CACNB2: variants seen among roughly 807,000 people sequenced by gnomAD.
CACNB2 encodes the protein calcium voltage-gated channel auxiliary subunit beta 2, also known as voltage-dependent L-type calcium channel subunit beta-2.
In CACNB2, 42 loss-of-function variants were observed where a neutral mutation model predicts 73.3. The ratio of observed to expected loss-of-function variants is 0.57; its 90% CI spans 0.45 to 0.74. The LOEUF (loss-of-function observed/expected upper bound fraction) is 0.74, where lower values mean the gene tolerates loss of function less well. CACNB2 is among the 30% of genes least tolerant of loss of function. The pLI is 0.00. For missense variants in CACNB2, 940 were observed against 853.0 expected (o/e 1.10, Z -1.27); for synonymous variants, 348 against 310.3 (o/e 1.12, Z -1.28).
intron 2 of CACNB2, among the ~76,000 whole-genome samples, chr10:18,339,977 G>A (rs2041166713): frequency 6.6e-6 from 1 of 152,120 alleles, no homozygotes; most frequent in Non-Finnish European, 1.5e-5. Flanking sequence ...CATGATGGAT[G>A]CAAAATGGTA....
intron 2 of CACNB2, among the ~76,000 whole-genome samples, chr10:18,171,833 A>T (rs1010413558): frequency 6.6e-6 from 1 of 152,142 alleles, no homozygotes; most frequent in African/African-American, 2.4e-5. Flanking sequence ...GCAGATTATT[A>T]GTGGCAATAA....
At chr10:18,514,542 T>C (rs1191660359) in intron 7 of CACNB2, 173 bp downstream of exon 7, 6 of 1,613,652 alleles carry the variant, frequency 3.7e-6, no homozygotes, top group South Asian at 3.3e-5. Flanking sequence ...TAAGTTTACA[T>C]TGACATAAGC....
intron 2 of CACNB2, chr10:18,224,407 T>C (rs1490081240): frequency 3.3e-5 from 5 of 151,956 alleles, no homozygotes; most frequent in Non-Finnish European, 5.9e-5. Context: ...TTTTGGGAAG[T>C]GAGTTTCATA....
rs2033802124 is a variant in CACNB2 at position 18,180,188 on chromosome 10, T to C, written c.213+29213T>C. ...CTCTCTGGAGGGAGAGGAATGATCT[T>C]ATATTTTGCCAACATAGAACTGTAG... On this transcript the variant is annotated intron_variant, in intron 2 of 13. Coordinates refer to ENST00000324631, the MANE Select transcript of CACNB2 (RefSeq NM_201596.3). 5.3e-5 allele frequency among the ~76,000 whole-genome samples: 8 copies of C among 152,146 alleles called. No individual in the cohort carries two copies. The South Asian group carries it at 1.7e-3, about 32-fold the overall frequency.
chr10:18,519,592 T>G (rs1314659456), intron 9 of CACNB2: 2 of 406,944 alleles, frequency 4.9e-6, no homozygotes, highest in African/African-American at 4.1e-5. Context: ...TAATCATCCT[T>G]TGCTCTCTCC....
At chr10:18,501,188 A>T (rs1191691837) in intron 5 of CACNB2, among the ~76,000 whole-genome samples, 1 of 152,242 alleles carries the variant, frequency 6.6e-6, no homozygotes, top group Non-Finnish European at 1.5e-5. Context: ...AGCTAAGGTC[A>T]TAGAGTATTA....
intron 1 of CACNB2, among the ~76,000 whole-genome samples, chr10:18,147,362 C>A: frequency 6.6e-6 from 1 of 151,864 alleles, no homozygotes; most frequent in Non-Finnish European, 1.5e-5. Context: ...TTTGGAACAA[C>A]TAAAGGAATA....
intron 3 of CACNB2, among the ~76,000 whole-genome samples, chr10:18,483,992 G>A (rs2048927357): frequency 6.6e-6 from 1 of 152,150 alleles, no homozygotes; most frequent in African/African-American, 2.4e-5. Context: ...ATATTTGCTG[G>A]GCCACATTTC....
At chr10:18,480,568 TAA>T (rs747476273) in intron 3 of CACNB2, among the ~76,000 whole-genome samples, 21 of 152,360 alleles carry the variant, frequency 1.4e-4, no homozygotes, top group Middle Eastern at 6.8e-3. Context: ...ATCCTGAGCC[TAA>T]GAGGCACTTA....
chr10:18,277,082 A>T (rs1022091887), intron 2 of CACNB2, among the ~76,000 whole-genome samples: 5 of 152,158 alleles, frequency 3.3e-5, no homozygotes, highest in African/African-American at 1.2e-4. Flanking sequence ...GTGCCACTGC[A>T]CTCCAGCCTG....
At chr10:18,481,207 TA>T (rs2048719457) in intron 3 of CACNB2, among the ~76,000 whole-genome samples, 2 of 11,312 alleles carry the variant, frequency 1.8e-4, no homozygotes, top group Non-Finnish European at 3.5e-4. Context: ...TATATATATA[TA>T]TATATATATA....
chr10:18,437,774 T>C (rs2046210231), intron 3 of CACNB2, among the ~76,000 whole-genome samples: 1 of 152,134 alleles, frequency 6.6e-6, no homozygotes, highest in African/African-American at 2.4e-5. Flanking sequence ...CACCTTATAT[T>C]TGGAATCTCC....
At chr10:18,233,835 G>A (rs912101927) in intron 2 of CACNB2, among the ~76,000 whole-genome samples, 5 of 152,104 alleles carry the variant, frequency 3.3e-5, no homozygotes, top group East Asian at 1.9e-4. Flanking sequence ...ATCAACACAC[G>A]AATAGCCTCT....
chr10:18,190,392 C>A (rs1016893942), intron 2 of CACNB2, among the ~76,000 whole-genome samples: 1 of 152,106 alleles, frequency 6.6e-6, no homozygotes, highest in Non-Finnish European at 1.5e-5. Flanking sequence ...GTCATGTATT[C>A]TCCACCCACC....
At chr10:18,238,976 G>A (rs2036549833) in intron 2 of CACNB2, among the ~76,000 whole-genome samples, 1 of 152,132 alleles carries the variant, frequency 6.6e-6, no homozygotes, top group Non-Finnish European at 1.5e-5. Context: ...GAACCCTGAA[G>A]GAGTGTTTTA....
At chr10:18,492,405 G>A (rs1400740831) in intron 3 of CACNB2, among the ~76,000 whole-genome samples, 1 of 152,164 alleles carries the variant, frequency 6.6e-6, no homozygotes, top group Admixed American at 6.5e-5. Context: ...CGGATCACCT[G>A]AGGTCAACAG....
intron 1 of CACNB2, among the ~76,000 whole-genome samples, chr10:18,144,339 C>G (rs916769551): frequency 1.3e-5 from 2 of 152,218 alleles, no homozygotes; most frequent in African/African-American, 4.8e-5. Flanking sequence ...CTTGGCCTCC[C>G]AAAGTGCTGG....
intron 2 of CACNB2, among the ~76,000 whole-genome samples, chr10:18,220,222 T>TAGAGAGAG (rs1564353733): frequency 2.9e-4 from 14 of 48,250 alleles, no homozygotes; most frequent in Non-Finnish European, 4.2e-4. Context: ...TATATATATA[T>TAGAGAGAG]ATATATATAT....
intron 3 of CACNB2, among the ~76,000 whole-genome samples, chr10:18,447,393 C>A (rs2046788999): frequency 6.6e-6 from 1 of 151,980 alleles, no homozygotes; most frequent in African/African-American, 2.4e-5. Context: ...TCATTGAATT[C>A]ATAAAGGTGA....
Sources: allele counts gnomAD v4.1 joint callset (sites outside exome capture counted in the v4.1 genomes callset), GRCh38; gene constraint gnomAD v4.1.1; transcripts MANE v1.5; gene names NCBI Gene and HGNC (gene_info 2026-07-23, HGNC 2026-07-21).